The following FUT8 variants were observed in gnomAD, a reference collection of about 807,000 sequenced individuals.
The protein encoded by FUT8 is alpha-(1,6)-fucosyltransferase.
Under a neutral mutation model 71.3 loss-of-function variants are expected in FUT8, and 29 were observed. That is an observed-to-expected ratio of 0.41 (90% CI 0.30 to 0.55). The LOEUF is 0.55. Among genes scored for constraint, FUT8 ranks in the 20% least tolerant of loss-of-function variants. The pLI is 0.34. For missense variants in FUT8, 544 were observed against 702.1 expected, an observed-to-expected ratio of 0.77 and a Z score of 2.55; for synonymous variants, 254 against 239.3, an observed-to-expected ratio of 1.06 and a Z score of -0.57.
At chr14:65,395,663 C>A in the FUT8 span, among the ~76,000 whole-genome samples, 2 of 152,222 alleles carry the variant, frequency 1.3e-5, no homozygotes, top group Non-Finnish European at 2.9e-5. Flanking sequence ...GGCCATGAAA[C>A]CATTTTTCCC....
intron 1 of FUT8, among the ~76,000 whole-genome samples, chr14:65,419,705 A>T (rs1414136778): frequency 6.6e-6 from 1 of 152,104 alleles, no homozygotes; most frequent in Non-Finnish European, 1.5e-5. Flanking sequence ...TCTTTTTCTA[A>T]GTTTTAGGTT....
chr14:65,417,831 G>A (rs2065240439), intron 1 of FUT8, among the ~76,000 whole-genome samples: 1 of 152,096 alleles, frequency 6.6e-6, no homozygotes, highest in African/African-American at 2.4e-5. Flanking sequence ...CGAAGCACTG[G>A]AATAAAAGAA....
intron 7 of FUT8, among the ~76,000 whole-genome samples, chr14:65,676,968 G>A (rs1892744639): frequency 6.6e-6 from 1 of 152,056 alleles, no homozygotes; most frequent in Admixed American, 6.5e-5. Context: ...TATATAAATT[G>A]TAGGCTAATT....
chr14:65,481,808 T>C (rs1047851756), intron 2 of FUT8, among the ~76,000 whole-genome samples: 3 of 152,244 alleles, frequency 2.0e-5, no homozygotes, highest in Admixed American at 6.5e-5. Context: ...TTGGCCATTA[T>C]TTAAATTGGG....
chr14:65,714,371 G>A (rs1407625582), intron 7 of FUT8, among the ~76,000 whole-genome samples: 1 of 151,878 alleles, frequency 6.6e-6, no homozygotes, highest in African/African-American at 2.4e-5. Flanking sequence ...TGTGCTTTCT[G>A]CTTAGGACAG....
intron 3 of FUT8, among the ~76,000 whole-genome samples, chr14:65,613,670 A>G (rs1795325361): frequency 6.6e-6 from 1 of 152,222 alleles, no homozygotes; most frequent in Non-Finnish European, 1.5e-5. Flanking sequence ...AATGTCTCCA[A>G]TTACTTTGGT....
intron 3 of FUT8, among the ~76,000 whole-genome samples, chr14:65,583,956 T>G (rs1160599239): frequency 6.6e-6 from 1 of 152,212 alleles, no homozygotes; most frequent in Non-Finnish European, 1.5e-5. Context: ...CTCAGCTCAC[T>G]GCGAGCTCTG....
At chr14:65,538,437 G>C (rs1248097822) in intron 2 of FUT8, among the ~76,000 whole-genome samples, 1 of 152,142 alleles carries the variant, frequency 6.6e-6, no homozygotes, top group African/African-American at 2.4e-5. Flanking sequence ...AGATCTGCTA[G>C]AAGTGTATCA....
intron 2 of FUT8, among the ~76,000 whole-genome samples, chr14:65,553,173 T>C (rs1269044993): frequency 6.6e-6 from 1 of 152,172 alleles, no homozygotes; most frequent in Non-Finnish European, 1.5e-5. Context: ...AAATAAATTT[T>C]TAATTTTAAT....
At chr14:65,362,261 C>G in the FUT8 span, among the ~76,000 whole-genome samples, 1 of 152,236 alleles carries the variant, frequency 6.6e-6, no homozygotes, top group Non-Finnish European at 1.5e-5. Flanking sequence ...TCCCTCTACT[C>G]TTTCCAATAG....
At chr14:65,729,366 G>A (rs905901830) in intron 9 of FUT8, among the ~76,000 whole-genome samples, 8 of 151,980 alleles carry the variant, frequency 5.3e-5, no homozygotes, top group East Asian at 1.9e-4. Context: ...CAGATATGCC[G>A]TTGCTTATTT....
At chr14:65,497,857 C>T (rs928479161) in intron 2 of FUT8, among the ~76,000 whole-genome samples, 7 of 151,810 alleles carry the variant, frequency 4.6e-5, no homozygotes, top group Admixed American at 1.3e-4. Flanking sequence ...TTTATAGTCT[C>T]CGAATAGGGT....
In FUT8 at chr14:65,603,145, A is replaced by G. The variant is rs148778576; in HGVS notation, c.204-12833A>G. ...AGATTTAAGTCCTTGATCCATCTTG[A>G]GTTGATTTTTGTGTAAGGTGAGAGA... On this transcript the variant is annotated intron_variant, in intron 3 of 10. Coordinates refer to ENST00000673929, the MANE Select transcript of FUT8 (RefSeq NM_001371533.1). The surrounding 1 kb of genome is among the most constrained non-coding windows in gnomAD (Gnocchi z 4.5). Among the ~76,000 whole-genome samples the G allele has an allele frequency of 3.9e-3, 594 of 151,836 alleles. 8 individuals carry two copies. The highest frequency in any genetic ancestry group is 0.014 in the African/African-American group (568 of 41,422).
chr14:65,395,441 C>T, the FUT8 span, among the ~76,000 whole-genome samples: 1 of 152,270 alleles, frequency 6.6e-6, no homozygotes, highest in African/African-American at 2.4e-5. Flanking sequence ...CATACATCCT[C>T]TAAAATCTAG....
intron 9 of FUT8, among the ~76,000 whole-genome samples, chr14:65,729,166 T>G (rs909471728): frequency 6.7e-6 from 1 of 149,272 alleles, no homozygotes; most frequent in Non-Finnish European, 1.5e-5. Context: ...GCTGGGACCA[T>G]TGGCATGCAG....
At chr14:65,457,593 A>C (rs1264629300) in intron 2 of FUT8, among the ~76,000 whole-genome samples, 2 of 152,158 alleles carry the variant, frequency 1.3e-5, no homozygotes, top group African/African-American at 4.8e-5. Flanking sequence ...CCCTGAGTGC[A>C]CAATTTCTGT....
At chr14:65,621,509 G>C (rs1027303037) in intron 5 of FUT8, among the ~76,000 whole-genome samples, 76 of 151,720 alleles carry the variant, frequency 5.0e-4, no homozygotes, top group African/African-American at 1.6e-3. Context: ...TGGCCCGTTT[G>C]TGCTAGGATG....
chr14:65,401,671 GCAGAT>G, the FUT8 span, among the ~76,000 whole-genome samples: 2 of 152,138 alleles, frequency 1.3e-5, no homozygotes, highest in Non-Finnish European at 1.5e-5. Flanking sequence ...GCCAAGGTGG[GCAGAT>G]CACTTGAGGC....
intron 7 of FUT8, among the ~76,000 whole-genome samples, chr14:65,702,412 G>A (rs938929205): frequency 1.3e-5 from 2 of 151,748 alleles, no homozygotes; most frequent in Non-Finnish European, 2.9e-5. Flanking sequence ...GAGATAATGC[G>A]TTGGAAACAT....
Sources: allele counts gnomAD v4.1 joint callset (sites outside exome capture counted in the v4.1 genomes callset), GRCh38; gene constraint gnomAD v4.1.1; non-coding constraint Gnocchi (gnomAD v3.1); transcripts MANE v1.5; gene names NCBI Gene and HGNC (gene_info 2026-07-23, HGNC 2026-07-21).